ABCC2: variants seen among roughly 807,000 people sequenced by gnomAD.
The protein encoded by ABCC2 is ATP-binding cassette sub-family C member 2.
A neutral mutation model predicts 173.4 loss-of-function variants in ABCC2; 157 were observed. The ratio of observed to expected loss-of-function variants is 0.91; its 90% CI spans 0.80 to 1.03. The LOEUF (loss-of-function observed/expected upper bound fraction) is 1.03, where lower values mean the gene tolerates loss of function less well. Among genes scored for constraint, ABCC2 ranks in the 50% least tolerant of loss-of-function variants. The pLI, the probability that ABCC2 is intolerant of heterozygous loss-of-function variation, is 0.00. For synonymous variants in ABCC2, 657 were observed against 693.5 expected (o/e 0.95, Z 0.83); for missense variants, 1,822 against 1,852.3 (o/e 0.98, Z 0.30).
At chr10:99,850,573 T>A in intron 30 of ABCC2, 29 bp from the exon 31 acceptor site, 1 of 1,611,964 alleles carries the variant, frequency 6.2e-7, no homozygotes, top group Non-Finnish European at 8.5e-7. Flanking sequence ...CTTTAGGAGC[T>A]AACACATGGT....
In ABCC2 at chr10:99,830,679, A is replaced by G. The variant is rs529822935; in HGVS notation, c.2748-37A>G. 17 of 1,613,856 alleles carry G rather than the reference A, an allele frequency of 1.1e-5. No homozygotes were observed. The South Asian group carries it at 1.8e-4, about 17-fold the overall frequency. ...ATCTGCTTGCAAGAAGACCCTTGGG[A>G]ATTGCCTGCATGCTCAGGGAAGCTT... On this transcript the variant is annotated intron_variant, in intron 20 of 31. Transcript: ENST00000647814.
At position 99,804,126 on chromosome 10, in the gene ABCC2, C is replaced by T; in HGVS notation, c.1317C>T (p.His439=). The change falls in exon 10 of 32, where the codon CAC becomes CAT. Residue 439 remains histidine (H), a synonymous_variant. Coordinates refer to ENST00000647814, the MANE Select transcript of ABCC2 (RefSeq NM_000392.5). ...QKLMDVTNFM[H]MLWSSVLQIV... is the part of the protein sequence containing the mutation. ...TCATGGATGTGACCAACTTCATGCA[C>T]ATGCTGTGGTCAAGTGTTCTACAGA... The T allele has an allele frequency of 1.9e-6, 3 of 1,614,178 alleles. No individual in the cohort carries two copies. Among genetic ancestry groups the T allele is most frequent in the South Asian group, 2.2e-5 (2 of 91,078 alleles).
At chr10:99,846,634 G>A (rs2039021056) in intron 29 of ABCC2, among the ~76,000 whole-genome samples, 1 of 152,212 alleles carries the variant, frequency 6.6e-6, no homozygotes, top group African/African-American at 2.4e-5. Flanking sequence ...AGCTACTCGG[G>A]AGGCTGAGGT....
Position 99,834,520 on chromosome 10 carries a change from TTATG to T in ABCC2, c.3403_3406del (p.Val1135LeufsTer13), listed in dbSNP as rs1350874625. 1.9e-6 allele frequency: 3 copies of T among 1,614,156 alleles called. No homozygotes were observed. In the South Asian group the frequency reaches 3.3e-5, roughly 18 times the overall value. On this transcript the variant is annotated frameshift_variant, in exon 24 of 32. Coordinates refer to ENST00000647814, the MANE Select transcript of ABCC2 (RefSeq NM_000392.5). LOFTEE classifies it high-confidence loss of function. ...TCATCGTCATTCCTCTTGGCATTAT[TTATG>T]TATCTGTTCAGGTAGGTTTGGAAAT...
At chr10:99,832,801 T>A (rs1036847854) in intron 23 of ABCC2, among the ~76,000 whole-genome samples, 1 of 152,238 alleles carries the variant, frequency 6.6e-6, no homozygotes, top group African/African-American at 2.4e-5. Context: ...CCCCTTGGCA[T>A]TCACTCATTC....
At chr10:99,797,695 G>T in intron 7 of ABCC2, 1 of 271,868 alleles carries the variant, frequency 3.7e-6, no homozygotes, top group Non-Finnish European at 7.1e-6. Context: ...TGACCATTCT[G>T]GGCACTAAAA....
intron 9 of ABCC2, among the ~76,000 whole-genome samples, chr10:99,801,114 TC>T (rs980393111): frequency 2.6e-5 from 4 of 152,218 alleles, no homozygotes; most frequent in African/African-American, 9.7e-5. Context: ...ACTTCTTTTT[TC>T]AGTTTGTAAA....
In ABCC2 at chr10:99,818,921, T is replaced by A; in HGVS notation, c.2403T>A (p.Asn801Lys). 6 of 1,614,042 alleles carry A rather than the reference T, an allele frequency of 3.7e-6. No individual in the cohort carries two copies. Among genetic ancestry groups the A allele is most frequent in the Non-Finnish European group, 5.1e-6 (6 of 1,180,024 alleles). Residue 801 changes from asparagine to lysine, a missense_variant, in exon 18 of 32, where the codon AAT becomes AAA. Asn to Lys is a moderately conservative substitution (Grantham distance 94). Coordinates refer to ENST00000647814, the MANE Select transcript of ABCC2 (RefSeq NM_000392.5). ...VDAHVGKHIF[N>K]KVLGPNGLLK... ...CTCATGTAGGAAAACATATTTTTAA[T>A]AAGGTCTTGGGCCCCAATGGCCTGT...
Position 99,799,310 on chromosome 10 carries a change from A to T in ABCC2, c.971A>T (p.Lys324Ile), listed in dbSNP as rs769945419. 1 of 1,614,156 alleles carries T rather than the reference A, an allele frequency of 6.2e-7. No homozygotes were observed. Among genetic ancestry groups the T allele is most frequent in the East Asian group, 2.2e-5 (1 of 44,876 alleles). ...LFKTFYMVLL[K>I]SFLLKLVNDI... ...AAAACTTTCTACATGGTGCTCCTGA[A>T]ATCATTCCTACTGAAGCTAGTGAAT... The change falls in exon 8 of 32, where the codon AAA (lysine) becomes ATA (isoleucine). Residue 324 changes from lysine (K) to isoleucine (I), a missense_variant. Physicochemically the swap from Lys to Ile is moderately radical, Grantham distance 102. Transcript: ENST00000647814.
At chr10:99,822,377 CT>C (rs2038554053) in intron 19 of ABCC2, among the ~76,000 whole-genome samples, 1 of 151,576 alleles carries the variant, frequency 6.6e-6, no homozygotes, top group Non-Finnish European at 1.5e-5. Context: ...TTCATCTGTT[CT>C]TCTGACGTCA....
chr10:99,801,202 C>T (rs559734455), intron 9 of ABCC2, among the ~76,000 whole-genome samples: 1 of 152,164 alleles, frequency 6.6e-6, no homozygotes, highest in East Asian at 1.9e-4. Flanking sequence ...CTCATCTTCC[C>T]TCTGATACAT....
intron 16 of ABCC2, among the ~76,000 whole-genome samples, chr10:99,816,788 C>T (rs529960971): frequency 2.6e-5 from 4 of 152,234 alleles, no homozygotes; most frequent in African/African-American, 9.6e-5. Context: ...ACCATGAACC[C>T]TATTGTGAAC....
chr10:99,820,960 C>T (rs902058537), intron 19 of ABCC2, among the ~76,000 whole-genome samples: 7 of 152,160 alleles, frequency 4.6e-5, no homozygotes, highest in African/African-American at 9.7e-5. Context: ...AGGATCCCGC[C>T]AGCCTCTGAG....
intron 16 of ABCC2, among the ~76,000 whole-genome samples, chr10:99,814,233 G>A (rs1378851978): frequency 2.5e-5 from 1 of 40,570 alleles, no homozygotes. Flanking sequence ...ACACACATGT[G>A]TATATATGCA....
At chr10:99,831,521 C>T (rs2038737783) in intron 21 of ABCC2, 90 bp from the exon 22 acceptor site, 2 of 1,307,572 alleles carry the variant, frequency 1.5e-6, no homozygotes, top group Non-Finnish European at 2.2e-6. Context: ...TCCCAGGGGA[C>T]TCCACTTCTC....
rs376356933 is a variant in ABCC2 at position 99,845,619 on chromosome 10, C to T, written c.3988-5C>T. On this transcript the variant is annotated splice_region_variant and splice_polypyrimidine_tract_variant and intron_variant, in intron 28 of 31. Coordinates refer to ENST00000647814, the MANE Select transcript of ABCC2 (RefSeq NM_000392.5). ...AACTAATGTGTAAGGGAACTATATT[C>T]GCAGATTGGTGTGGTGGGCAGGACA... 3.2e-5 allele frequency: 52 copies of T among 1,613,848 alleles called. No homozygotes were observed. The highest frequency in any genetic ancestry group is 1.1e-4 in the African/African-American group (8 of 74,862).
At chr10:99,798,502 G>A (rs946767376) in intron 7 of ABCC2, among the ~76,000 whole-genome samples, 2 of 152,192 alleles carry the variant, frequency 1.3e-5, no homozygotes, top group Admixed American at 1.3e-4. Context: ...GAGGCCAGAA[G>A]GCTGAAGTCA....
At chr10:99,816,798 C>T (rs548436752) in intron 16 of ABCC2, among the ~76,000 whole-genome samples, 1 of 152,290 alleles carries the variant, frequency 6.6e-6, no homozygotes, top group Non-Finnish European at 1.5e-5. Flanking sequence ...CTATTGTGAA[C>T]TGCACATGCC....
At position 99,807,477 on chromosome 10, in the gene ABCC2, C is replaced by T. The variant is rs373710735; in HGVS notation, c.1624C>T (p.Leu542=). 2.4e-5 allele frequency: 39 copies of T among 1,614,046 alleles called. No homozygotes were observed. The highest frequency in any genetic ancestry group is 3.2e-5 in the Non-Finnish European group (38 of 1,180,004). Residue 542 remains leucine, a synonymous_variant, in exon 12 of 32, where the codon CTA becomes TTA. Transcript: ENST00000647814. ...ELKNLLAFSQ[L]QCVVIFVFQL... is the part of the protein sequence containing the mutation. ...CAAGAACCTGCTGGCCTTTAGTCAA[C>T]TACAGTGTGTAGTAATATTCGTCTT...
Sources: allele counts gnomAD v4.1 joint callset (sites outside exome capture counted in the v4.1 genomes callset), GRCh38; gene constraint gnomAD v4.1.1; transcripts MANE v1.5; gene names NCBI Gene and HGNC (gene_info 2026-07-23, HGNC 2026-07-21).